The following CDH22 variants were observed in gnomAD, a reference collection of about 807,000 sequenced individuals.
CDH22 encodes the protein cadherin 22, also known as cadherin-22.
CDH22 carries 30 observed loss-of-function variants against 58.4 expected under a neutral mutation model. That is an observed-to-expected ratio of 0.51 (90% CI 0.38 to 0.70). CDH22 has a LOEUF of 0.70. CDH22 is among the 30% of genes least tolerant of loss of function. The pLI, the probability that CDH22 is intolerant of heterozygous loss-of-function variation, is 0.00. For synonymous variants in CDH22, 513 were observed against 558.2 expected (o/e 0.92, Z 1.14); for missense variants, 1,014 against 1,233.9 (o/e 0.82, Z 2.67).
intron 4 of CDH22, among the ~76,000 whole-genome samples, chr20:46,221,268 GTTTTTTTTTTTCTT>G (rs1190168272): frequency 6.4e-5 from 8 of 125,462 alleles, no homozygotes; most frequent in Non-Finnish European, 1.3e-4. Context: ...CAGGTTTTGG[GTTTTTTTTTTTCTT>G]TTTTTTTTTT....
chr20:46,226,231 C>CCTTCTTCTTCTT lies in CDH22; in HGVS notation c.670+1265_670+1276dup, dbSNP rs74176857. On this transcript the variant is annotated intron_variant, in intron 4 of 11. Transcript: ENST00000537909. ...TCTCTGAAATCTTGGTCTGGCAACA[C>CCTTCTTCTTCTT]CTTCTTCTTCTTCTTCTTCTTCTTC... 3.9e-3 allele frequency among the ~76,000 whole-genome samples: 339 copies of CCTTCTTCTTCTT among 86,572 alleles called. 4 individuals are homozygous for CCTTCTTCTTCTT. Among genetic ancestry groups the CCTTCTTCTTCTT allele is most frequent in the East Asian group, 0.019 (62 of 3,332 alleles). 56.8% of individuals were successfully genotyped at this position (86,572 alleles called of 152,430 possible).
At chr20:46,179,747 A>T (rs1317154193) in intron 10 of CDH22, among the ~76,000 whole-genome samples, 1 of 152,240 alleles carries the variant, frequency 6.6e-6, no homozygotes, top group African/African-American at 2.4e-5. Flanking sequence ...TGTGAGGATT[A>T]AATGGTGTAA....
intron 8 of CDH22, among the ~76,000 whole-genome samples, chr20:46,191,700 G>C (rs561883041): frequency 2.4e-4 from 36 of 152,252 alleles, no homozygotes; most frequent in Admixed American, 3.3e-4. Flanking sequence ...CTCGAACCTG[G>C]GTCTGGTTTT....
At chr20:46,305,152 C>T (rs1287988073) in intron 1 of CDH22, among the ~76,000 whole-genome samples, 1 of 152,224 alleles carries the variant, frequency 6.6e-6, no homozygotes, top group African/African-American at 2.4e-5. Flanking sequence ...GAGCTCAAAT[C>T]ACTCCACAGA....
At chr20:46,188,759 A>T (rs1194442824) in intron 8 of CDH22, among the ~76,000 whole-genome samples, 2 of 152,086 alleles carry the variant, frequency 1.3e-5, no homozygotes, top group Non-Finnish European at 2.9e-5. Context: ...ACCAGCCCAG[A>T]CCTCTGAGTG....
intron 4 of CDH22, among the ~76,000 whole-genome samples, chr20:46,222,875 C>A (rs11905346): frequency 0.011 from 1,727 of 152,386 alleles, 25 homozygotes; most frequent in Admixed American, 0.027. Flanking sequence ...GGCCCCGTTC[C>A]GGCTCTGCTC....
chr20:46,241,363 A>G lies in CDH22; in HGVS notation c.256-106T>C. The G allele has an allele frequency of 1.1e-6, 1 of 933,202 alleles. No homozygotes were observed. Among genetic ancestry groups the G allele is most frequent in the Non-Finnish European group, 1.6e-6 (1 of 631,570 alleles). The allele number at this position is 933,202 out of a possible 1,614,324, so 57.8% of individuals were successfully genotyped here. ...CTATTCCTAAGCCCATCTCTTCTCCAGCACATACACATCTTTAGTGAGGAC... is the reference window on the plus strand; with the variant it reads ...CTATTCCTAAGCCCATCTCTTCTCCGGCACATACACATCTTTAGTGAGGAC... On this transcript the variant is annotated intron_variant, in intron 2 of 11. Transcript: ENST00000537909. This position sits in a 1 kb window ranked among gnomAD's most constrained non-coding sequence, Gnocchi z 5.2.
chr20:46,266,929 T>C (rs1035889825), intron 1 of CDH22, among the ~76,000 whole-genome samples: 10 of 151,168 alleles, frequency 6.6e-5, no homozygotes, highest in African/African-American at 2.4e-4. Context: ...TTTTTTTGCC[T>C]TTTTCCACAT....
chr20:46,221,376 A>G (rs1379524344), intron 4 of CDH22, among the ~76,000 whole-genome samples: 2 of 149,130 alleles, frequency 1.3e-5, no homozygotes, highest in East Asian at 3.9e-4. Flanking sequence ...TTACTCACGC[A>G]TCTGAGCCTA....
chr20:46,230,889 A>C (rs1210962707), intron 3 of CDH22, among the ~76,000 whole-genome samples: 2 of 152,138 alleles, frequency 1.3e-5, no homozygotes, highest in African/African-American at 4.8e-5. Flanking sequence ...GGTGCAGGAG[A>C]GAGGCAGGTT....
intron 8 of CDH22, 93 bp from the exon 9 acceptor site, chr20:46,187,040 G>T: frequency 7.5e-7 from 1 of 1,339,964 alleles, no homozygotes. Context: ...AGGCAGTGGG[G>T]TCATGCTGAG....
At chr20:46,229,317 A>G (rs1317348460) in intron 3 of CDH22, among the ~76,000 whole-genome samples, 1 of 138,358 alleles carries the variant, frequency 7.2e-6, no homozygotes, top group African/African-American at 2.6e-5. Context: ...ACAGCTGAGG[A>G]ATCAAGTCAG....
intron 1 of CDH22, among the ~76,000 whole-genome samples, chr20:46,307,795 G>T (rs1031899520): frequency 7.2e-5 from 11 of 152,012 alleles, no homozygotes; most frequent in Non-Finnish European, 1.3e-4. Flanking sequence ...CTCTGGGAGG[G>T]GCCGGGGAGC....
chr20:46,250,111 A>G (rs985283751), intron 2 of CDH22, among the ~76,000 whole-genome samples: 6 of 152,164 alleles, frequency 3.9e-5, no homozygotes, highest in Admixed American at 1.3e-4. Flanking sequence ...AATTGAATGG[A>G]TGAATAAAAG....
chr20:46,230,183 G>C (rs1315723076), intron 3 of CDH22, among the ~76,000 whole-genome samples: 1 of 151,986 alleles, frequency 6.6e-6, no homozygotes, highest in Non-Finnish European at 1.5e-5. Context: ...GACCACCTTG[G>C]GGTGGTCCCA....
At chr20:46,184,684 A>G (rs1817439019) in intron 10 of CDH22, among the ~76,000 whole-genome samples, 1 of 152,156 alleles carries the variant, frequency 6.6e-6, no homozygotes, top group African/African-American at 2.4e-5. Context: ...CACTCACTAA[A>G]TAATTGCTGG....
chr20:46,217,826 AAC>A (rs966137102), intron 4 of CDH22, among the ~76,000 whole-genome samples: 9 of 152,028 alleles, frequency 5.9e-5, no homozygotes, highest in Admixed American at 3.3e-4. Context: ...CTCCCACACA[AAC>A]ACACACAGAC....
chr20:46,299,607 C>CA (rs987601259), intron 1 of CDH22, among the ~76,000 whole-genome samples: 11 of 133,654 alleles, frequency 8.2e-5, no homozygotes, highest in East Asian at 2.3e-4. Flanking sequence ...GACTCCGTCT[C>CA]AAAAAAAAAT....
In CDH22 at chr20:46,210,268, T is replaced by C. The variant is rs1237960053; in HGVS notation, c.1286+39A>G. 3.6e-6 allele frequency: 5 copies of C among 1,370,788 alleles called. No individual in the cohort carries two copies. The highest frequency in any genetic ancestry group is 3.1e-5 in the African/African-American group (2 of 65,298). 84.9% of individuals were successfully genotyped at this position (1,370,788 alleles called of 1,614,324 possible). ...TCTGTCCGCGGGGGTGATGGCGGGA[T>C]AGCAGGCAGCAGGCGTCGGCCCCGG... is the stretch of plus-strand genomic sequence containing the variant. On this transcript the variant is annotated intron_variant, in intron 7 of 11. Coordinates refer to ENST00000537909, the MANE Select transcript of CDH22 (RefSeq NM_021248.3). This position sits in a 1 kb window ranked among gnomAD's most constrained non-coding sequence, Gnocchi z 4.5.
Sources: allele counts gnomAD v4.1 joint callset (sites outside exome capture counted in the v4.1 genomes callset), GRCh38; gene constraint gnomAD v4.1.1; non-coding constraint Gnocchi (gnomAD v3.1); transcripts MANE v1.5; gene names NCBI Gene and HGNC (gene_info 2026-07-23, HGNC 2026-07-21).